Variants in PPARD observed in about 807,000 individuals in gnomAD.
The protein encoded by PPARD is peroxisome proliferator activated receptor delta, also known as peroxisome proliferator-activated receptor delta.
In PPARD, 6 loss-of-function variants were observed where a neutral mutation model predicts 39.5. The ratio of observed to expected loss-of-function variants is 0.15; its 90% CI spans 0.08 to 0.30. The LOEUF (loss-of-function observed/expected upper bound fraction) is 0.30. Among genes scored for constraint, PPARD ranks in the 10% least tolerant of loss-of-function variants. The pLI, the probability that PPARD is intolerant of heterozygous loss-of-function variation, is 1.00. For missense variants in PPARD, 397 were observed against 596.8 expected, an observed-to-expected ratio of 0.67 and a Z score of 3.49; for synonymous variants, 210 against 231.3, an observed-to-expected ratio of 0.91 and a Z score of 0.83.
At chr6:35,348,836 A>G (rs1761044152) in intron 2 of PPARD, 1 of 985,406 alleles carries the variant, frequency 1.0e-6, no homozygotes, top group Non-Finnish European at 1.2e-6. Context: ...GAGGTTCCCC[A>G]AGAGGGAAGA....
At position 35,382,100 on chromosome 6, in the gene PPARD, C is replaced by G. The variant is rs73411794; in HGVS notation, c.-101-28887C>G. ...TTGTTGTTGTTGGGGTTTGTTTTTG[C>G]CCCTCCATTCTGACGTCAGCAGTAG... is the stretch of plus-strand genomic sequence containing the variant. On this transcript the variant is annotated intron_variant, in intron 2 of 7. Transcript: ENST00000360694. Among the ~76,000 whole-genome samples, 960 of 152,252 alleles carry G rather than the reference C, an allele frequency of 6.3e-3. 7 individuals carry two copies. Among genetic ancestry groups the G allele is most frequent in the African/African-American group, 0.021 (869 of 41,524 alleles).
chr6:35,390,387 A>T (rs1345392130), intron 2 of PPARD, among the ~76,000 whole-genome samples: 1 of 152,238 alleles, frequency 6.6e-6, no homozygotes, highest in South Asian at 2.1e-4. Flanking sequence ...CCCATAAATG[A>T]TATTTTATTT....
intron 2 of PPARD, among the ~76,000 whole-genome samples, chr6:35,375,561 C>CT (rs897750592): frequency 1.3e-5 from 2 of 151,074 alleles, no homozygotes; most frequent in Non-Finnish European, 3.0e-5. Context: ...TTGTTTTTTT[C>CT]TTTTTTGAGA....
intron 2 of PPARD, among the ~76,000 whole-genome samples, chr6:35,388,858 A>G (rs774417348): frequency 5.4e-4 from 82 of 152,324 alleles, no homozygotes; most frequent in Middle Eastern, 3.4e-3. Flanking sequence ...CTAATCATTG[A>G]CTTATCAGAC....
Position 35,377,871 on chromosome 6 carries a change from C to CTTTTTTTTTTTTTTTTTTTTTTTTTTTT in PPARD, c.-102+30732_-102+30733insTTTTTTTTTTTTTTTTTTTTTTTTTTTT, listed in dbSNP as rs540687692. ...TGTGGGTCGCTGCTTGTTTACGTAT[C>CTTTTTTTTTTTTTTTTTTTTTTTTTTTT]TTTTTTTTTTTGAGACAGAGTGTTG... On this transcript the variant is annotated intron_variant, in intron 2 of 7. Transcript: ENST00000360694. 1.4e-3 allele frequency among the ~76,000 whole-genome samples: 164 copies of CTTTTTTTTTTTTTTTTTTTTTTTTTTTT among 120,300 alleles called. 18 individuals are homozygous for CTTTTTTTTTTTTTTTTTTTTTTTTTTTT. Among genetic ancestry groups the CTTTTTTTTTTTTTTTTTTTTTTTTTTTT allele is most frequent in the East Asian group, 0.01 (35 of 3,466 alleles). 78.9% of individuals were successfully genotyped at this position (120,300 alleles called of 152,430 possible). A position where few individuals can be genotyped will look rare whatever the true frequency, so the allele number is the denominator to read the frequency against.
chr6:35,396,212 CT>C (rs1158974418), intron 2 of PPARD, among the ~76,000 whole-genome samples: 105 of 145,012 alleles, frequency 7.2e-4, no homozygotes, highest in Non-Finnish European at 6.9e-4. Flanking sequence ...TCTTCTTCTT[CT>C]TTTTTTTTTT....
At chr6:35,416,850 G>C (rs73413756) in intron 3 of PPARD, among the ~76,000 whole-genome samples, 10,869 of 151,992 alleles carry the variant, frequency 0.072, 808 homozygotes, top group African/African-American at 0.18. Flanking sequence ...GCTCCACTCT[G>C]TCTCATGTTC....
At chr6:35,350,914 A>G (rs1426795865) in intron 2 of PPARD, among the ~76,000 whole-genome samples, 3 of 152,186 alleles carry the variant, frequency 2.0e-5, no homozygotes, top group Non-Finnish European at 1.5e-5. Flanking sequence ...GGCATGAGCC[A>G]CCGCGCCTGG....
At chr6:35,415,778 C>CTGTGTGTGTGTGTGTGTGGGTGTG (rs1765717240) in intron 3 of PPARD, among the ~76,000 whole-genome samples, 1 of 143,772 alleles carries the variant, frequency 7.0e-6, no homozygotes, top group African/African-American at 2.8e-5. Context: ...GAAGGAGAAC[C>CTGTGTGTGTGTGTGTGTGGGTGTG]TGTGTGTGTG....
chr6:35,414,977 G>C (rs1765656253), intron 3 of PPARD, among the ~76,000 whole-genome samples: 1 of 152,210 alleles, frequency 6.6e-6, no homozygotes, highest in Non-Finnish European at 1.5e-5. Flanking sequence ...CCACTTGCCA[G>C]GGTCCCCTGG....
chr6:35,415,782 G>GTA (rs1765719567), intron 3 of PPARD, among the ~76,000 whole-genome samples: 1 of 151,734 alleles, frequency 6.6e-6, no homozygotes, highest in Non-Finnish European at 1.5e-5. Context: ...GAGAACCTGT[G>GTA]TGTGTGTGTG....
intron 2 of PPARD, among the ~76,000 whole-genome samples, chr6:35,396,323 G>A (rs1248624448): frequency 6.6e-6 from 1 of 151,120 alleles, no homozygotes; most frequent in Non-Finnish European, 1.5e-5. Flanking sequence ...TCCTGCCTCA[G>A]CCTCCCGAGT....
intron 2 of PPARD, among the ~76,000 whole-genome samples, chr6:35,393,298 C>T (rs995529501): frequency 6.6e-6 from 1 of 152,160 alleles, no homozygotes; most frequent in Non-Finnish European, 1.5e-5. Context: ...AGACAGACTC[C>T]CGGTCATCAC....
At chr6:35,397,506 ATGGTCTGGAG>A in intron 2 of PPARD, 2 of 983,866 alleles carry the variant, frequency 2.0e-6, no homozygotes, top group Non-Finnish European at 2.4e-6. Context: ...AGGGTCTGGA[ATGGTCTGGAG>A]TGGTCTGGAA....
At chr6:35,381,891 G>A (rs1763174504) in intron 2 of PPARD, among the ~76,000 whole-genome samples, 1 of 152,178 alleles carries the variant, frequency 6.6e-6, no homozygotes, top group African/African-American at 2.4e-5. Context: ...ATTCCAGAGG[G>A]AAGACATAGA....
At chr6:35,370,296 C>G (rs547856848) in intron 2 of PPARD, among the ~76,000 whole-genome samples, 1 of 152,098 alleles carries the variant, frequency 6.6e-6, no homozygotes, top group African/African-American at 2.4e-5. Flanking sequence ...TTTCCTGTTG[C>G]CCTTAGAAAG....
chr6:35,382,869 A>G (rs1320327897), intron 2 of PPARD, among the ~76,000 whole-genome samples: 1 of 152,244 alleles, frequency 6.6e-6, no homozygotes, highest in African/African-American at 2.4e-5. Context: ...GAAGAGACAC[A>G]TGGGAAGCAT....
chr6:35,349,656 G>T (rs950955742), intron 2 of PPARD, among the ~76,000 whole-genome samples: 2 of 151,754 alleles, frequency 1.3e-5, no homozygotes, highest in Non-Finnish European at 2.9e-5. Flanking sequence ...ACACCACTGT[G>T]CCTGGCTAAG....
chr6:35,425,762 C>T lies in PPARD; in HGVS notation c.1079-70C>T, dbSNP rs1766528684. 1.2e-5 allele frequency: 19 copies of T among 1,581,132 alleles called. No homozygotes were observed. The South Asian group carries it at 2.1e-4, about 17-fold the overall frequency. On this transcript the variant is annotated intron_variant, in intron 7 of 7. Coordinates refer to ENST00000360694, the MANE Select transcript of PPARD (RefSeq NM_006238.5). The surrounding 1 kb of genome is among the most constrained non-coding windows in gnomAD (Gnocchi z 4.5). ...GCCTGCCGTCCCCTGGGCCAAGTCA[C>T]CTCTTGGGGTGGAAGTAGGGGAGCT...
Sources: allele counts gnomAD v4.1 joint callset (sites outside exome capture counted in the v4.1 genomes callset), GRCh38; gene constraint gnomAD v4.1.1; non-coding constraint Gnocchi (gnomAD v3.1); transcripts MANE v1.5; gene names NCBI Gene and HGNC (gene_info 2026-07-23, HGNC 2026-07-21).